DYNC1H1: variants seen among roughly 807,000 people sequenced by gnomAD.
DYNC1H1 encodes cytoplasmic dynein 1 heavy chain 1.
A neutral mutation model predicts 527.1 loss-of-function variants in DYNC1H1; 51 were observed. That is an observed-to-expected ratio of 0.10 (90% CI 0.08 to 0.12). The LOEUF is 0.12. DYNC1H1 is among the 10% of genes least tolerant of loss of function. The pLI is 1.00. For synonymous variants in DYNC1H1, 2,189 were observed against 2,278.8 expected, an observed-to-expected ratio of 0.96 and a Z score of 1.12; for missense variants, 2,771 against 5,971.8, an observed-to-expected ratio of 0.46 and a Z score of 17.66.
At position 102,039,164 on chromosome 14, in the gene DYNC1H1, C is replaced by T. The variant is rs2152594986; in HGVS notation, c.11370C>T (p.Val3790=). The change falls in exon 60 of 78, where the codon GTC becomes GTT. Residue 3790 remains valine, a synonymous_variant. Coordinates refer to ENST00000360184, the MANE Select transcript of DYNC1H1 (RefSeq NM_001376.5). This position sits in a 1 kb window ranked among gnomAD's most constrained non-coding sequence, Gnocchi z 7.0. ...VTRKVEETDI[V]MQEVETVSQQ... The stretch of plus-strand genomic sequence containing the variant: ...GGAAAGTTGAGGAGACGGACATTGT[C>T]ATGCAGGAGGTGGAGACCGTGTCCC... 1.2e-6 allele frequency: 2 copies of T among 1,614,204 alleles called. No homozygotes were observed. The highest frequency in any genetic ancestry group is 1.3e-5 in the African/African-American group (1 of 75,064).
chr14:102,013,126 G>A (rs2048277166), intron 34 of DYNC1H1, among the ~76,000 whole-genome samples: 1 of 151,818 alleles, frequency 6.6e-6, no homozygotes, highest in African/African-American at 2.4e-5. Context: ...GTGGGTGCCT[G>A]TAGTCCCAGC....
At chr14:102,040,810 T>G (rs1413081191) in intron 64 of DYNC1H1, 137 bp downstream of exon 64, 1 of 1,084,276 alleles carries the variant, frequency 9.2e-7, no homozygotes, top group African/African-American at 1.6e-5. Context: ...AAATAAAACC[T>G]TAGCCAGGCG....
chr14:101,999,651 C>T (rs186650159), intron 16 of DYNC1H1, among the ~76,000 whole-genome samples: 189 of 152,256 alleles, frequency 1.2e-3, no homozygotes, highest in Admixed American at 2.2e-3. Flanking sequence ...TGGCAGGCCC[C>T]GGAGGTTTGT....
At position 101,965,440 on chromosome 14, in the gene DYNC1H1, C is replaced by T. The variant is rs2047655604; in HGVS notation, c.256+493C>T. Reference sequence around the variant, plus strand: ...GGGAGGGATGTGTCGGGGGCAGACCCGCGGAGCTGGGGGCAGCCGGGGTTC... The same window carrying T: ...GGGAGGGATGTGTCGGGGGCAGACCTGCGGAGCTGGGGGCAGCCGGGGTTC... On this transcript the variant is annotated intron_variant, in intron 1 of 77. Coordinates refer to ENST00000360184, the MANE Select transcript of DYNC1H1 (RefSeq NM_001376.5). The surrounding 1 kb of genome is among the most constrained non-coding windows in gnomAD (Gnocchi z 4.1). 6.6e-6 allele frequency among the ~76,000 whole-genome samples: 1 copy of T among 152,188 alleles called. No individual in the cohort carries two copies. Among genetic ancestry groups the T allele is most frequent in the Non-Finnish European group, 1.5e-5 (1 of 68,036 alleles).
At chr14:102,046,213 G>T (rs1335291497) in intron 72 of DYNC1H1, among the ~76,000 whole-genome samples, 3 of 151,680 alleles carry the variant, frequency 2.0e-5, no homozygotes, top group Admixed American at 2.0e-4. Flanking sequence ...CTGCCCAGGC[G>T]CACTCTATCA....
In DYNC1H1 at chr14:102,004,866, T is replaced by A. The variant is rs1223866819; in HGVS notation, c.5154T>A (p.Ala1718=). 6.2e-7 allele frequency: 1 copy of A among 1,614,136 alleles called. No individual in the cohort carries two copies. Among genetic ancestry groups the A allele is most frequent in the African/African-American group, 1.3e-5 (1 of 74,944 alleles). Residue 1718 remains alanine, a synonymous_variant, in exon 25 of 78, where the codon GCT becomes GCA. Coordinates refer to ENST00000360184, the MANE Select transcript of DYNC1H1 (RefSeq NM_001376.5). ...EMRVTLAKLL[A]ESVTEVEIFG... ...GAGTCACCCTGGCCAAACTGCTTGC[T>A]GAGTCTGTTACGGAAGTTGAGATTT...
In DYNC1H1 at chr14:102,041,932, CTCACTCG is replaced by C; in HGVS notation, c.12103-80_12103-74del. The C allele has an allele frequency of 6.5e-7, 1 of 1,542,850 alleles. No individual in the cohort carries two copies. ...CCAGAAAGAACATCTTCTCAGGCCC[CTCACTCG>C]GGGCTCTCCTTTCCCTTGACAGGTA... On this transcript the variant is annotated intron_variant, in intron 65 of 77. Transcript: ENST00000360184. The surrounding 1 kb of genome is among the most constrained non-coding windows in gnomAD (Gnocchi z 4.5).
rs2048543902 is a variant in DYNC1H1, at chr14:102,034,208, C to G, written c.10626+20C>G. On this transcript the variant is annotated intron_variant, in intron 55 of 77. Transcript: ENST00000360184. ...ATCCAGGTGAGAATCACGGGGAGTT[C>G]AAAAAGGATGTGCGAGCAGTGTGAG... 1.9e-6 allele frequency: 3 copies of G among 1,614,116 alleles called. No individual in the cohort carries two copies. Among genetic ancestry groups the G allele is most frequent in the Non-Finnish European group, 2.5e-6 (3 of 1,180,042 alleles).
chr14:102,041,927 G>A lies in DYNC1H1; in HGVS notation c.12103-86G>A. ...TGGGCCCAGAAAGAACATCTTCTCA[G>A]GCCCCTCACTCGGGGCTCTCCTTTC... On this transcript the variant is annotated intron_variant, in intron 65 of 77. Coordinates refer to ENST00000360184, the MANE Select transcript of DYNC1H1 (RefSeq NM_001376.5). This position sits in a 1 kb window ranked among gnomAD's most constrained non-coding sequence, Gnocchi z 4.5. 6.6e-7 allele frequency: 1 copy of A among 1,524,328 alleles called. No individual in the cohort carries two copies. Among genetic ancestry groups the A allele is most frequent in the Non-Finnish European group, 9.0e-7 (1 of 1,107,042 alleles). 94.4% of individuals were successfully genotyped at this position (1,524,328 alleles called of 1,614,324 possible).
chr14:102,028,664 T>C, intron 48 of DYNC1H1: 1 of 193,706 alleles, frequency 5.2e-6, no homozygotes, highest in Non-Finnish European at 1.1e-5. Flanking sequence ...AACACTTTAG[T>C]GCCCCCACTG....
intron 1 of DYNC1H1, among the ~76,000 whole-genome samples, chr14:101,966,173 A>G (rs2047665838): frequency 1.3e-5 from 2 of 152,060 alleles, no homozygotes; most frequent in African/African-American, 4.8e-5. Context: ...CTTAACACAC[A>G]CTGTGTTTCT....
intron 1 of DYNC1H1, among the ~76,000 whole-genome samples, chr14:101,968,486 C>T (rs745433093): frequency 4.7e-5 from 7 of 150,364 alleles, no homozygotes; most frequent in Non-Finnish European, 1.0e-4. Context: ...CTTCCACCTC[C>T]GCCTGCCAAA....
chr14:102,002,434 A>G lies in DYNC1H1; in HGVS notation c.4543-103A>G. 6.8e-7 allele frequency: 1 copy of G among 1,471,948 alleles called. No individual in the cohort carries two copies. The highest frequency in any genetic ancestry group is 1.1e-5 in the South Asian group (1 of 87,234). 91.2% of individuals were successfully genotyped at this position (1,471,948 alleles called of 1,614,324 possible). A position where few individuals can be genotyped will look rare whatever the true frequency, so the allele number is the denominator to read the frequency against. On this transcript the variant is annotated intron_variant, in intron 21 of 77. Transcript: ENST00000360184. The surrounding 1 kb of genome is among the most constrained non-coding windows in gnomAD (Gnocchi z 4.4). ...CTACTTGTTGTTTAAAATGTGAATC[A>G]GATTACTTCATGAGATCCTGATCTG...
At chr14:102,003,714 G>A (rs1273760071) in intron 23 of DYNC1H1, among the ~76,000 whole-genome samples, 1 of 151,834 alleles carries the variant, frequency 6.6e-6, no homozygotes, top group African/African-American at 2.4e-5. Flanking sequence ...CAGATCACCT[G>A]AGGTCAGTTT....
rs1346836994 is a variant in DYNC1H1, at chr14:101,975,840, T to C, written c.344+41T>C. On this transcript the variant is annotated intron_variant, in intron 2 of 77. Coordinates refer to ENST00000360184, the MANE Select transcript of DYNC1H1 (RefSeq NM_001376.5). ...ATTACCATTATCTCAGGTTATAAAT[T>C]TGTGAGAATTAATATGAATCTTTTT... 2.1e-6 allele frequency: 3 copies of C among 1,444,072 alleles called. No homozygotes were observed. In the African/African-American group the frequency reaches 4.2e-5, roughly 20 times the overall value. 89.5% of individuals were successfully genotyped at this position (1,444,072 alleles called of 1,614,324 possible).
chr14:102,000,625 A>C (rs932666651), intron 18 of DYNC1H1: 1 of 489,310 alleles, frequency 2.0e-6, no homozygotes, highest in Admixed American at 3.6e-5. Flanking sequence ...CCCAGGCTGG[A>C]GTGCAATGGC....
chr14:101,976,047 G>A (rs2047796687), intron 2 of DYNC1H1, among the ~76,000 whole-genome samples: 2 of 151,222 alleles, frequency 1.3e-5, no homozygotes, highest in Admixed American at 1.3e-4. Context: ...AGCTGGGATT[G>A]CAGACATGCA....
Position 102,032,582 on chromosome 14 carries a change from T to C in DYNC1H1, c.10079+115T>C, listed in dbSNP as rs558719751. 3.5e-5 allele frequency: 47 copies of C among 1,343,168 alleles called. 1 individual carries two copies. In the South Asian group the frequency reaches 5.7e-4, roughly 16 times the overall value. 83.2% of individuals were successfully genotyped at this position (1,343,168 alleles called of 1,614,324 possible). ...TTTCGGCTGTTCAGGCCAGGCACAG[T>C]GGCTCACGGCTCCAATCCCAGAACT... On this transcript the variant is annotated intron_variant, in intron 52 of 77. Transcript: ENST00000360184.
At chr14:101,976,934 G>C (rs1424531514) in intron 2 of DYNC1H1, among the ~76,000 whole-genome samples, 1 of 152,176 alleles carries the variant, frequency 6.6e-6, no homozygotes, top group Non-Finnish European at 1.5e-5. Context: ...GTAATCTGGA[G>C]ATTATTTAAA....
Sources: allele counts gnomAD v4.1 joint callset (sites outside exome capture counted in the v4.1 genomes callset), GRCh38; gene constraint gnomAD v4.1.1; non-coding constraint Gnocchi (gnomAD v3.1); transcripts MANE v1.5; gene names NCBI Gene and HGNC (gene_info 2026-07-23, HGNC 2026-07-21).